The following GET4 variants were observed in gnomAD, a reference collection of about 807,000 sequenced individuals.
The protein encoded by GET4 is guided entry of tail-anchored proteins factor 4.
GET4 carries 20 observed loss-of-function variants against 40.0 expected under a neutral mutation model. The ratio of observed to expected loss-of-function variants is 0.50; its 90% CI spans 0.35 to 0.73. The LOEUF is 0.73. Among genes scored for constraint, GET4 ranks in the 30% least tolerant of loss-of-function variants. The pLI is 0.01. For missense variants in GET4, 557 were observed against 454.0 expected, an observed-to-expected ratio of 1.23 and a Z score of -2.06; for synonymous variants, 280 against 194.6, an observed-to-expected ratio of 1.44 and a Z score of -3.65.
At chr7:885,822 G>A (rs1844176373) in intron 1 of GET4, 1 of 537,210 alleles carries the variant, frequency 1.9e-6, no homozygotes, top group African/African-American at 1.9e-5. Flanking sequence ...GGCTCCTGGT[G>A]TATTTGGACA....
Position 876,813 on chromosome 7 carries a change from G to A in GET4, c.155+13G>A. ...CCCTGTTCTTCAGGTACCCGCGCCC[G>A]GCCCTCGCCGCAGCCCAGCGCCCGC... On this transcript the variant is annotated intron_variant, in intron 1 of 8. Coordinates refer to ENST00000265857, the MANE Select transcript of GET4 (RefSeq NM_015949.3). 3 of 1,175,296 alleles carry A rather than the reference G, an allele frequency of 2.6e-6. No individual in the cohort carries two copies. The highest frequency in any genetic ancestry group is 1.6e-5 in the African/African-American group (1 of 61,014). The allele number at this position is 1,175,296 out of a possible 1,614,324, so 72.8% of individuals were successfully genotyped here. A position where few individuals can be genotyped will look rare whatever the true frequency, so the allele number is the denominator to read the frequency against.
rs1031339632 is a variant in GET4 at position 891,075 on chromosome 7, C to A, written c.605+9C>A. ...GCCCAGGCCGTGCTACAGTAGGTGT[C>A]TGTGGCTCTTCGGGTCTCGGCTTCC... On this transcript the variant is annotated intron_variant, in intron 5 of 8. Coordinates refer to ENST00000265857, the MANE Select transcript of GET4 (RefSeq NM_015949.3). 8.9e-6 allele frequency: 14 copies of A among 1,580,520 alleles called. No homozygotes were observed. The African/African-American group carries it at 1.9e-4, about 21-fold the overall frequency.
At chr7:878,302 G>A (rs937706705) in intron 1 of GET4, 3 of 471,132 alleles carry the variant, frequency 6.4e-6, no homozygotes, top group South Asian at 1.5e-5. Context: ...CTGTCATACA[G>A]TTACTGCAGA....
chr7:889,542 C>G (rs1424092809), intron 4 of GET4, among the ~76,000 whole-genome samples: 1 of 152,108 alleles, frequency 6.6e-6, no homozygotes, highest in Non-Finnish European at 1.5e-5. Context: ...GCAGCGCAGT[C>G]AGGAAAGGGC....
intron 1 of GET4, chr7:883,853 G>A (rs1844132578): frequency 6.9e-6 from 7 of 1,021,896 alleles, no homozygotes; most frequent in Non-Finnish European, 7.0e-6. Context: ...CGGTTTGCCT[G>A]TCACCGGCAT....
chr7:887,210 G>A (rs776990958), intron 3 of GET4, 160 bp from the exon 4 acceptor site: 3 of 807,430 alleles, frequency 3.7e-6, no homozygotes, highest in Non-Finnish European at 6.7e-6. Context: ...GAACTGCGGT[G>A]GGCAGCTCAG....
In GET4 at chr7:893,747, C is replaced by G; in HGVS notation, c.754C>G (p.Leu252Val). The change falls in exon 7 of 9, where the codon CTG becomes GTG. Residue 252 changes from leucine to valine, a missense_variant. Transcript: ENST00000265857. ...FLLLAVDGGK[L>V]TVFTVLCEQY... is the part of the protein sequence containing the mutation. ...TGTGTGTCTCTGTCCCAGTGGGAAGCTGACGGTGTTCACTGTGCTGTGTGA... is the reference window on the plus strand; with the variant it reads ...TGTGTGTCTCTGTCCCAGTGGGAAGGTGACGGTGTTCACTGTGCTGTGTGA... The G allele has an allele frequency of 6.2e-7, 1 of 1,604,220 alleles. No individual in the cohort carries two copies. Among genetic ancestry groups the G allele is most frequent in the Non-Finnish European group, 8.5e-7 (1 of 1,172,946 alleles).
At position 886,124 on chromosome 7, in the gene GET4, G is replaced by C. The variant is rs1407448433; in HGVS notation, c.224G>C (p.Ser75Thr). 2 of 1,604,978 alleles carry C rather than the reference G, an allele frequency of 1.2e-6. No homozygotes were observed. The highest frequency in any genetic ancestry group is 1.7e-6 in the Non-Finnish European group (2 of 1,172,584). ...TACTCGGGAGCCCTGCTCTTCTTCA[G>C]CCATGGCCAGGTAAGCCGTCTTGCT... is the stretch of plus-strand genomic sequence containing the variant. Reference protein sequence around the residue: ...LMYSGALLFFSHGQQNSAADL... With the variant: ...LMYSGALLFFTHGQQNSAADL... Residue 75 changes from serine (S) to threonine (T), a missense_variant, in exon 2 of 9, where the codon AGC becomes ACC. Physicochemically the swap from Ser to Thr is moderately conservative, Grantham distance 58. Transcript: ENST00000265857.
chr7:887,912 T>C (rs1844226899), intron 4 of GET4, among the ~76,000 whole-genome samples: 1 of 152,114 alleles, frequency 6.6e-6, no homozygotes, highest in South Asian at 2.1e-4. Context: ...CGGGGATTAA[T>C]CACCCTGTGG....
chr7:890,121 C>A (rs5017685), intron 4 of GET4, among the ~76,000 whole-genome samples: 1,102 of 1,618 alleles, frequency 0.68, 439 homozygotes, highest in Middle Eastern at 1. Context: ...GGAGGGAGCG[C>A]GAGCGGGTGT....
intron 4 of GET4, among the ~76,000 whole-genome samples, chr7:888,742 C>T (rs926725036): frequency 5.9e-5 from 9 of 152,236 alleles, no homozygotes; most frequent in African/African-American, 1.4e-4. Flanking sequence ...GCAGGCCTTC[C>T]GTACTCCACC....
intron 8 of GET4, among the ~76,000 whole-genome samples, 191 bp from the exon 9 acceptor site, chr7:895,143 T>C (rs562763603): frequency 1.0e-4 from 15 of 149,384 alleles, no homozygotes; most frequent in Non-Finnish European, 4.5e-5. Flanking sequence ...TGAGTATCTC[T>C]GTGGTCGTCG....
rs932558613 is a variant in GET4, at chr7:896,017, T to G, written c.*595T>G. The stretch of plus-strand genomic sequence containing the variant: ...GCGGCGGGACGGTGCCTACGGGTAC[T>G]TGCAGCTGTGTCCCATGTGGCATCC... On this transcript the variant is annotated 3_prime_UTR_variant, in exon 9 of 9. Coordinates refer to ENST00000265857, the MANE Select transcript of GET4 (RefSeq NM_015949.3). 6.6e-6 allele frequency: 1 copy of G among 152,242 alleles called. No individual in the cohort carries two copies. The highest frequency in any genetic ancestry group is 1.5e-5 in the Non-Finnish European group (1 of 68,054). 9.4% of individuals were successfully genotyped at this position (152,242 alleles called of 1,614,324 possible).
rs1271600682 is a variant in GET4, at chr7:876,628, G to T, written c.-18G>T. The T allele has an allele frequency of 1.7e-5, 21 of 1,227,078 alleles. No individual in the cohort carries two copies. The highest frequency in any genetic ancestry group is 4.6e-5 in the Admixed American group (1 of 21,726). The allele number at this position is 1,227,078 out of a possible 1,614,324, so 76.0% of individuals were successfully genotyped here. A position where few individuals can be genotyped will look rare whatever the true frequency, so the allele number is the denominator to read the frequency against. On this transcript the variant is annotated 5_prime_UTR_variant, in exon 1 of 9. Coordinates refer to ENST00000265857, the MANE Select transcript of GET4 (RefSeq NM_015949.3). ...CCGCGCCTGCGACAGCGTCAGCCCT[G>T]CGCGGAGCGCCGGCCCGATGGCGGC...
intron 1 of GET4, chr7:883,644 G>A (rs907238506): frequency 3.0e-5 from 30 of 985,358 alleles, no homozygotes; most frequent in Non-Finnish European, 3.6e-5. Context: ...GTGTCCACAT[G>A]GCACGGCCAA....
rs118099913 is a variant in GET4 at position 885,417 on chromosome 7, C to T, written c.156-639C>T. The stretch of plus-strand genomic sequence containing the variant: ...ACGCGCTGGTCCCCACCATACCTCT[C>T]GCCACCCCGTGCCTCTGTCCCCGTG... On this transcript the variant is annotated intron_variant, in intron 1 of 8. Transcript: ENST00000265857. 3.4e-3 allele frequency: 513 copies of T among 152,924 alleles called. 26 individuals are homozygous for T. The East Asian group carries it at 0.089, about 26-fold the overall frequency. 9.5% of individuals were successfully genotyped at this position (152,924 alleles called of 1,614,324 possible).
Position 892,371 on chromosome 7 carries a change from G to A in GET4, c.699G>A (p.Val233=), listed in dbSNP as rs1450484404. 1.3e-6 allele frequency: 2 copies of A among 1,594,100 alleles called. No individual in the cohort carries two copies. Among genetic ancestry groups the A allele is most frequent in the South Asian group, 2.2e-5 (2 of 90,674 alleles). Residue 233 remains valine (V), a synonymous_variant, in exon 6 of 9, where the codon GTG becomes GTA. Coordinates refer to ENST00000265857, the MANE Select transcript of GET4 (RefSeq NM_015949.3). ...HPSIEDGPPF[V]EPLLNFIWFL... ...CCATCGAGGACGGGCCTCCGTTTGTGGAGCCGCTGCTTAACTTCATCTGGT... is the reference window on the plus strand; with the variant it reads ...CCATCGAGGACGGGCCTCCGTTTGTAGAGCCGCTGCTTAACTTCATCTGGT...
intron 5 of GET4, 35 bp from the exon 6 acceptor site, chr7:892,243 C>A (rs183474040): frequency 3.9e-5 from 61 of 1,581,376 alleles, no homozygotes; most frequent in Non-Finnish European, 5.1e-5. Context: ...CTGTGTCCTC[C>A]AGCCCTTCCA....
intron 1 of GET4, among the ~76,000 whole-genome samples, chr7:877,289 G>A (rs1347316700): frequency 2.5e-5 from 3 of 121,082 alleles, no homozygotes; most frequent in Middle Eastern, 6.9e-3. Context: ...CTCTGTCCTC[G>A]GCCTCTCCTT....
Sources: gnomAD v4.1 joint callset for allele counts (sites outside exome capture counted in the v4.1 genomes callset) on GRCh38, gnomAD v4.1.1 for gene constraint, MANE v1.5 for transcripts, NCBI Gene and HGNC (gene_info 2026-07-23, HGNC 2026-07-21) for gene names.